GRM5: variants seen among roughly 807,000 people sequenced by gnomAD.
The protein encoded by GRM5 is glutamate metabotropic receptor 5.
A neutral mutation model predicts 83.1 loss-of-function variants in GRM5; 19 were observed. The ratio of observed to expected loss-of-function variants is 0.23; its 90% CI spans 0.16 to 0.34. The LOEUF is 0.34. Ranked by LOEUF, GRM5 falls within the 10% of genes least tolerant of loss-of-function variation. The probability of loss-of-function intolerance (pLI) is 1.00; values close to 1 mark genes in which losing one functional copy is unlikely to be tolerated. For synonymous variants in GRM5, 675 were observed against 633.6 expected (o/e 1.07, Z -0.98); for missense variants, 1,160 against 1,588.3 (o/e 0.73, Z 4.58).
At chr11:88,765,415 A>C (rs1305604340) in intron 3 of GRM5, among the ~76,000 whole-genome samples, 1 of 117,110 alleles carries the variant, frequency 8.5e-6, no homozygotes, top group African/African-American at 3.2e-5. Context: ...AAAAAAAAAA[A>C]CAAAGTGGAA....
intron 2 of GRM5, among the ~76,000 whole-genome samples, chr11:88,967,478 C>T (rs1272839452): frequency 2.0e-5 from 3 of 151,716 alleles, no homozygotes; most frequent in Admixed American, 1.3e-4. Context: ...TCTAGCAAGT[C>T]GTTCTTGCCA....
intron 3 of GRM5, among the ~76,000 whole-genome samples, chr11:88,717,425 G>T (rs11021050): frequency 0.17 from 25,520 of 151,430 alleles, 2,243 homozygotes; most frequent in Middle Eastern, 0.21. Flanking sequence ...TATTTTATTT[G>T]AATTTCATAA....
At chr11:88,854,366 A>G (rs1442940884) in intron 2 of GRM5, among the ~76,000 whole-genome samples, 1 of 151,928 alleles carries the variant, frequency 6.6e-6, no homozygotes, top group East Asian at 1.9e-4. Context: ...TATTTCACTT[A>G]AAACATGAAC....
intron 2 of GRM5, among the ~76,000 whole-genome samples, chr11:88,881,728 T>C (rs1944956644): frequency 1.3e-5 from 2 of 152,152 alleles, no homozygotes. Context: ...TCAGCTTCAA[T>C]ACTCCAATTT....
intron 8 of GRM5, among the ~76,000 whole-genome samples, chr11:88,561,316 A>C (rs902686370): frequency 6.6e-6 from 1 of 152,196 alleles, no homozygotes; most frequent in Non-Finnish European, 1.5e-5. Context: ...TTAAAACAGA[A>C]GTGGCAAATG....
At chr11:88,821,333 G>T in intron 3 of GRM5, among the ~76,000 whole-genome samples, 1 of 131,134 alleles carries the variant, frequency 7.6e-6, no homozygotes, top group Non-Finnish European at 1.5e-5. Flanking sequence ...TTGAACACTT[G>T]CTTGAGGGGC....
intron 7 of GRM5, among the ~76,000 whole-genome samples, chr11:88,581,684 A>G (rs2135194133): frequency 6.6e-6 from 1 of 152,306 alleles, no homozygotes; most frequent in South Asian, 2.1e-4. Context: ...CTATTGTTAA[A>G]CAAAAGTCAC....
At chr11:88,786,347 A>C (rs1943068023) in intron 3 of GRM5, among the ~76,000 whole-genome samples, 1 of 152,118 alleles carries the variant, frequency 6.6e-6, no homozygotes, top group Admixed American at 6.6e-5. Flanking sequence ...TTGAGGTGGT[A>C]CCTCTGAGCT....
chr11:88,987,634 T>C (rs1939774947), intron 2 of GRM5, among the ~76,000 whole-genome samples: 1 of 152,046 alleles, frequency 6.6e-6, no homozygotes, highest in Non-Finnish European at 1.5e-5. Context: ...AAGAGAGCAG[T>C]GGTTCTCCCA....
intron 3 of GRM5, among the ~76,000 whole-genome samples, chr11:88,806,575 A>G (rs964123505): frequency 5.9e-5 from 9 of 152,180 alleles, no homozygotes; most frequent in Non-Finnish European, 1.5e-5. Context: ...CAACTGTGAA[A>G]ATAACTAGCT....
chr11:88,658,492 G>A (rs1377232034), intron 3 of GRM5, among the ~76,000 whole-genome samples: 1 of 152,058 alleles, frequency 6.6e-6, no homozygotes, highest in Non-Finnish European at 1.5e-5. Flanking sequence ...TTGAAACTGA[G>A]AAAAAACATG....
intron 4 of GRM5, among the ~76,000 whole-genome samples, chr11:88,635,437 T>C (rs906192801): frequency 1.3e-5 from 2 of 152,220 alleles, no homozygotes; most frequent in African/African-American, 4.8e-5. Context: ...GTTAAGCACT[T>C]TTCATATATC....
At chr11:88,673,910 A>G (rs970949226) in intron 3 of GRM5, among the ~76,000 whole-genome samples, 35 of 151,214 alleles carry the variant, frequency 2.3e-4, no homozygotes, top group Admixed American at 2.1e-3. Context: ...AAAAACAAAC[A>G]TACTCTAGAG....
At chr11:88,895,851 C>A (rs1225531154) in intron 2 of GRM5, among the ~76,000 whole-genome samples, 1 of 151,846 alleles carries the variant, frequency 6.6e-6, no homozygotes, top group Non-Finnish European at 1.5e-5. Context: ...TTTATTGCAC[C>A]TTCTAAGTGT....
chr11:89,030,734 A>T (rs1941241918), intron 2 of GRM5, among the ~76,000 whole-genome samples: 1 of 152,116 alleles, frequency 6.6e-6, no homozygotes, highest in South Asian at 2.1e-4. Context: ...TGAGAATCTT[A>T]GGAACAGATG....
In GRM5 at chr11:88,584,835, A is replaced by G. The variant is rs144107634; in HGVS notation, c.1690+5766T>C. 7.3e-3 allele frequency among the ~76,000 whole-genome samples: 1,115 copies of G among 152,334 alleles called. 11 individuals are homozygous for G. Among genetic ancestry groups the G allele is most frequent in the African/African-American group, 0.026 (1,077 of 41,574 alleles). On this transcript the variant is annotated intron_variant, in intron 7 of 9. Transcript: ENST00000305447. The stretch of plus-strand genomic sequence containing the variant: ...CCACTAGAATGTAAACATTATAAGA[A>G]CAGATAATTTTACTGGTTTTGTTCA...
intron 2 of GRM5, among the ~76,000 whole-genome samples, chr11:89,040,910 A>G (rs1941516589): frequency 6.6e-6 from 1 of 152,166 alleles, no homozygotes; most frequent in Admixed American, 6.5e-5. Context: ...TGCTTAGTTT[A>G]TGTTGGGCAG....
rs899620636 is a variant in GRM5, at chr11:88,640,267, A to G, written c.1147+12901T>C. Among the ~76,000 whole-genome samples, 5 of 152,284 alleles carry G rather than the reference A, an allele frequency of 3.3e-5. No homozygotes were observed. In the Middle Eastern group the frequency reaches 0.01, roughly 311 times the overall value. On this transcript the variant is annotated intron_variant, in intron 4 of 9. Coordinates refer to ENST00000305447, the MANE Select transcript of GRM5 (RefSeq NM_001143831.3). Reference sequence around the variant, plus strand: ...TACATGCACTAGTATCATGTGATCAAAATTTTTCTTCAATGTCTGTTATTA... The same window carrying G: ...TACATGCACTAGTATCATGTGATCAGAATTTTTCTTCAATGTCTGTTATTA...
chr11:88,681,896 C>A (rs1232394496), intron 3 of GRM5, among the ~76,000 whole-genome samples: 1 of 151,844 alleles, frequency 6.6e-6, no homozygotes, highest in Non-Finnish European at 1.5e-5. Flanking sequence ...GTTGTATACT[C>A]TTTTCTTTTT....
Sources: gnomAD v4.1 joint callset for allele counts (sites outside exome capture counted in the v4.1 genomes callset) on GRCh38, gnomAD v4.1.1 for gene constraint, MANE v1.5 for transcripts, NCBI Gene and HGNC (gene_info 2026-07-23, HGNC 2026-07-21) for gene names.